The following NLGN1 variants were observed in gnomAD, a reference collection of about 807,000 sequenced individuals.
The protein encoded by NLGN1 is neuroligin-1.
A neutral mutation model predicts 65.5 loss-of-function variants in NLGN1; 12 were observed. The observed-to-expected ratio is 0.18, with a 90% CI of 0.12 to 0.30. NLGN1 has a LOEUF of 0.30. Ranked by LOEUF, NLGN1 falls within the 10% of genes least tolerant of loss-of-function variation. The pLI is 1.00. For synonymous variants in NLGN1, 350 were observed against 359.5 expected (o/e 0.97, Z 0.30); for missense variants, 750 against 1,007.1 (o/e 0.74, Z 3.46).
chr3:173,992,289 A>G (rs1721279689), intron 4 of NLGN1, among the ~76,000 whole-genome samples: 2 of 152,256 alleles, frequency 1.3e-5, no homozygotes, highest in South Asian at 4.1e-4. Context: ...TTCATTTTTC[A>G]AAATCTGGTA....
intron 4 of NLGN1, among the ~76,000 whole-genome samples, chr3:174,225,501 G>T (rs1304217569): frequency 1.3e-5 from 2 of 152,194 alleles, no homozygotes; most frequent in Non-Finnish European, 2.9e-5. Flanking sequence ...GGAGGCCGAG[G>T]CAGGCGGATC....
intron 3 of NLGN1, among the ~76,000 whole-genome samples, chr3:173,777,322 A>G (rs1054273226): frequency 2.6e-5 from 4 of 151,890 alleles, no homozygotes; most frequent in Non-Finnish European, 5.9e-5. Flanking sequence ...CTCATTGTGA[A>G]TAAGTAGTAG....
chr3:173,600,480 C>G (rs1560028844), intron 2 of NLGN1, among the ~76,000 whole-genome samples: 1 of 151,772 alleles, frequency 6.6e-6, no homozygotes, highest in African/African-American at 2.4e-5. Context: ...TTTTAAAACA[C>G]ATATGCAAAG....
intron 4 of NLGN1, among the ~76,000 whole-genome samples, chr3:174,120,081 C>A (rs1162669222): frequency 6.6e-6 from 1 of 151,986 alleles, no homozygotes; most frequent in Admixed American, 6.6e-5. Flanking sequence ...CCAAATATCA[C>A]AAAAATATAG....
chr3:173,936,369 G>C (rs1745080877), intron 4 of NLGN1, among the ~76,000 whole-genome samples: 1 of 151,916 alleles, frequency 6.6e-6, no homozygotes, highest in Admixed American at 6.6e-5. Flanking sequence ...CATTATTCCA[G>C]ATCCTTACAC....
chr3:174,002,782 G>C (rs938082802), intron 4 of NLGN1, among the ~76,000 whole-genome samples: 7 of 152,210 alleles, frequency 4.6e-5, no homozygotes, highest in African/African-American at 1.7e-4. Flanking sequence ...GGAGGTAGTA[G>C]TAAAACAGAC....
intron 4 of NLGN1, among the ~76,000 whole-genome samples, chr3:173,982,279 T>C (rs748451985): frequency 6.6e-6 from 1 of 152,088 alleles, no homozygotes; most frequent in African/African-American, 2.4e-5. Context: ...TTAATTCTGT[T>C]GAGAAACATA....
chr3:173,999,584 C>G (rs1458277940), intron 4 of NLGN1, among the ~76,000 whole-genome samples: 1 of 152,070 alleles, frequency 6.6e-6, no homozygotes, highest in Non-Finnish European at 1.5e-5. Flanking sequence ...AAAATACTGA[C>G]CTTTATTCTC....
intron 3 of NLGN1, among the ~76,000 whole-genome samples, chr3:173,769,706 T>C (rs904044405): frequency 1.3e-5 from 2 of 152,184 alleles, no homozygotes; most frequent in Non-Finnish European, 2.9e-5. Flanking sequence ...GAGGCACTGA[T>C]TGGAAACACA....
At chr3:173,852,517 C>G (rs13076656) in intron 4 of NLGN1, among the ~76,000 whole-genome samples, 1 of 151,922 alleles carries the variant, frequency 6.6e-6, no homozygotes, top group Admixed American at 6.6e-5. Flanking sequence ...ATAAAAATTT[C>G]TAATATTGAA....
downstream of NLGN1, among the ~76,000 whole-genome samples, chr3:174,290,967 CAGAATT>C (rs1561501684): frequency 6.7e-6 from 1 of 150,036 alleles, no homozygotes; most frequent in African/African-American, 2.4e-5. Context: ...CAACATAAAT[CAGAATT>C]AGAAAAGTTA....
At chr3:173,957,610 A>G (rs1394259328) in intron 4 of NLGN1, among the ~76,000 whole-genome samples, 2 of 152,180 alleles carry the variant, frequency 1.3e-5, no homozygotes, top group African/African-American at 4.8e-5. Flanking sequence ...AGATATCAGC[A>G]TTATTTAGAC....
chr3:173,941,091 G>A (rs1422102295), intron 4 of NLGN1, among the ~76,000 whole-genome samples: 1 of 152,124 alleles, frequency 6.6e-6, no homozygotes, highest in African/African-American at 2.4e-5. Flanking sequence ...TTCTCTAATT[G>A]TGTAAATGTG....
intron 4 of NLGN1, among the ~76,000 whole-genome samples, chr3:174,184,567 A>G (rs1396063748): frequency 1.3e-5 from 2 of 152,146 alleles, no homozygotes; most frequent in Non-Finnish European, 2.9e-5. Context: ...GAAGCTGAAT[A>G]AAAGTGAGTT....
chr3:173,986,814 C>T (rs892811810), intron 4 of NLGN1, among the ~76,000 whole-genome samples: 5 of 152,128 alleles, frequency 3.3e-5, no homozygotes, highest in Non-Finnish European at 7.4e-5. Context: ...TGAGTAGACT[C>T]GGGACACGAC....
intron 2 of NLGN1, among the ~76,000 whole-genome samples, chr3:173,571,796 A>G (rs1274605103): frequency 6.6e-6 from 1 of 152,162 alleles, no homozygotes; most frequent in African/African-American, 2.4e-5. Flanking sequence ...TTAATGGAGC[A>G]TTTCAAATCC....
chr3:173,667,437 C>A (rs1439752152), intron 3 of NLGN1, among the ~76,000 whole-genome samples: 1 of 152,010 alleles, frequency 6.6e-6, no homozygotes, highest in African/African-American at 2.4e-5. Context: ...CCAACACACC[C>A]CACCCAGATT....
At chr3:173,509,622 A>C (rs1001345967) in intron 2 of NLGN1, among the ~76,000 whole-genome samples, 1 of 152,182 alleles carries the variant, frequency 6.6e-6, no homozygotes, top group Non-Finnish European at 1.5e-5. Flanking sequence ...CCTGTCTCAG[A>C]AAATAAATGA....
At chr3:174,070,096 A>G (rs1423329901) in intron 4 of NLGN1, among the ~76,000 whole-genome samples, 2 of 152,196 alleles carry the variant, frequency 1.3e-5, no homozygotes, top group African/African-American at 2.4e-5. Context: ...AAAATGGCCA[A>G]AAGAACATAG....
Sources: allele counts gnomAD v4.1 joint callset (sites outside exome capture counted in the v4.1 genomes callset), GRCh38; gene constraint gnomAD v4.1.1; transcripts MANE v1.5; gene names NCBI Gene and HGNC (gene_info 2026-07-23, HGNC 2026-07-21).